Variants in ZDHHC3 observed in about 807,000 individuals in gnomAD.
ZDHHC3 encodes palmitoyltransferase ZDHHC3.
A neutral mutation model predicts 30.6 loss-of-function variants in ZDHHC3; 9 were observed. The observed-to-expected ratio is 0.29, with a 90% CI of 0.18 to 0.51. The LOEUF is 0.51. Ranked by LOEUF, ZDHHC3 falls within the 20% of genes least tolerant of loss-of-function variation. The probability of loss-of-function intolerance (pLI) is 0.97; values close to 1 mark genes in which losing one functional copy is unlikely to be tolerated. For missense variants in ZDHHC3, 246 were observed against 384.2 expected (o/e 0.64, Z 3.01); for synonymous variants, 136 against 140.2 (o/e 0.97, Z 0.21).
chr3:44,950,884 T>C (rs558681077), intron 2 of ZDHHC3, among the ~76,000 whole-genome samples: 9 of 152,298 alleles, frequency 5.9e-5, no homozygotes, highest in Admixed American at 1.3e-4. Context: ...TACTGAGAAA[T>C]GCCTATCCCC....
At chr3:44,950,778 T>TA (rs1703378062) in intron 2 of ZDHHC3, among the ~76,000 whole-genome samples, 1 of 152,232 alleles carries the variant, frequency 6.6e-6, no homozygotes, top group Admixed American at 6.5e-5. Context: ...TCTTTGTTAT[T>TA]AGTTCATGGT....
chr3:44,970,579 TTTG>T (rs1705327317), intron 1 of ZDHHC3, among the ~76,000 whole-genome samples: 1 of 152,248 alleles, frequency 6.6e-6, no homozygotes, highest in African/African-American at 2.4e-5. Context: ...CAACGTTTTC[TTTG>T]TTAATATCTT....
chr3:44,957,819 T>C (rs1356223280), intron 2 of ZDHHC3, among the ~76,000 whole-genome samples: 1 of 152,222 alleles, frequency 6.6e-6, no homozygotes, highest in African/African-American at 2.4e-5. Context: ...CACCTGTCTT[T>C]TCTAGACAGA....
intron 1 of ZDHHC3, among the ~76,000 whole-genome samples, chr3:44,972,950 A>C (rs1259002801): frequency 2.0e-5 from 3 of 152,230 alleles, no homozygotes; most frequent in African/African-American, 7.2e-5. Context: ...CAGATCTATC[A>C]GCCATCTTTG....
intron 1 of ZDHHC3, among the ~76,000 whole-genome samples, chr3:44,969,130 CTCA>C (rs1705198659): frequency 6.6e-6 from 1 of 152,222 alleles, no homozygotes; most frequent in African/African-American, 2.4e-5. Flanking sequence ...CGGTGATACT[CTCA>C]TAGTTTGTGA....
Position 44,923,124 on chromosome 3 carries a change from G to T in ZDHHC3, c.*3565C>A, listed in dbSNP as rs1396647399. On this transcript the variant is annotated 3_prime_UTR_variant, in exon 7 of 7. Coordinates refer to ENST00000424952, the MANE Select transcript of ZDHHC3 (RefSeq NM_001135179.2). Reference sequence around the variant, plus strand: ...GGAGTCTCACTCTGTCGCCCAGGCTGGAGTGCAGTGGTGCGATCTTGGCTC... The same window carrying T: ...GGAGTCTCACTCTGTCGCCCAGGCTTGAGTGCAGTGGTGCGATCTTGGCTC... 4 of 965,348 alleles carry T rather than the reference G, an allele frequency of 4.1e-6. No homozygotes were observed. The highest frequency in any genetic ancestry group is 4.9e-6 in the Non-Finnish European group (4 of 815,508). The allele number at this position is 965,348 out of a possible 1,614,324, so 59.8% of individuals were successfully genotyped here.
At chr3:44,965,452 T>C (rs1322482311) in intron 1 of ZDHHC3, among the ~76,000 whole-genome samples, 1 of 152,244 alleles carries the variant, frequency 6.6e-6, no homozygotes, top group Non-Finnish European at 1.5e-5. Flanking sequence ...TTGAACATCG[T>C]GGTGCTAATG....
In ZDHHC3 at chr3:44,920,420, A is replaced by C. The variant is rs2125780841; in HGVS notation, c.*6269T>G. The stretch of plus-strand genomic sequence containing the variant: ...AGACCCGGCTACAGAGGAAACACCC[A>C]AAAATGACAGACTGGCTGCATCCAC... On this transcript the variant is annotated 3_prime_UTR_variant, in exon 7 of 7. Coordinates refer to ENST00000424952, the MANE Select transcript of ZDHHC3 (RefSeq NM_001135179.2). 5 of 1,269,382 alleles carry C rather than the reference A, an allele frequency of 3.9e-6. No homozygotes were observed. The highest frequency in any genetic ancestry group is 4.1e-6 in the Non-Finnish European group (4 of 974,604). 78.6% of individuals were successfully genotyped at this position (1,269,382 alleles called of 1,614,324 possible).
In ZDHHC3 at chr3:44,926,741, G is replaced by A. The variant is rs1701024915; in HGVS notation, c.848C>T (p.Pro283Leu). The change falls in exon 7 of 7, where the codon CCC (proline) becomes CTC (leucine). Residue 283 changes from proline (P) to leucine (L), a missense_variant. By Grantham distance (98) the Pro-to-Leu change is moderately conservative (BLOSUM62 -3). Coordinates refer to ENST00000424952, the MANE Select transcript of ZDHHC3 (RefSeq NM_001135179.2). ...CTTCCCTTGGTCTGGCGTGGCAAAG[G>A]GGCTGGCCCAGCCTAGAGAGAAGGG... The part of the protein sequence containing the change: ...GHPFSLGWAS[P>L]FATPDQGKAD... The A allele has an allele frequency of 6.2e-7, 1 of 1,613,658 alleles. No homozygotes were observed. The highest frequency in any genetic ancestry group is 1.3e-5 in the African/African-American group (1 of 74,848).
intron 3 of ZDHHC3, among the ~76,000 whole-genome samples, chr3:44,934,850 C>T (rs1467279796): frequency 6.7e-6 from 1 of 149,584 alleles, no homozygotes; most frequent in African/African-American, 2.5e-5. Flanking sequence ...TAAGATCGTG[C>T]CACTGCACCC....
chr3:44,944,715 T>C (rs1008890357), intron 3 of ZDHHC3, among the ~76,000 whole-genome samples: 1 of 152,232 alleles, frequency 6.6e-6, no homozygotes, highest in South Asian at 2.1e-4. Flanking sequence ...TCTGCAACTA[T>C]CATAACCTTT....
chr3:44,917,933 T>A lies in ZDHHC3; in HGVS notation c.*8756A>T. The A allele has an allele frequency of 1.5e-6, 2 of 1,305,104 alleles. No individual in the cohort carries two copies. The highest frequency in any genetic ancestry group is 2.0e-6 in the Non-Finnish European group (2 of 988,952). 80.8% of individuals were successfully genotyped at this position (1,305,104 alleles called of 1,614,324 possible). On this transcript the variant is annotated 3_prime_UTR_variant, in exon 7 of 7. Coordinates refer to ENST00000424952, the MANE Select transcript of ZDHHC3 (RefSeq NM_001135179.2). ...ACCTCCACAGAGTCCTCGTCCTTTGTCTCCTCTGATGGATCCTCCATTGTT... is the reference window on the plus strand; with the variant it reads ...ACCTCCACAGAGTCCTCGTCCTTTGACTCCTCTGATGGATCCTCCATTGTT...
intron 1 of ZDHHC3, among the ~76,000 whole-genome samples, chr3:44,966,234 T>C (rs1002543716): frequency 2.0e-5 from 3 of 152,322 alleles, no homozygotes; most frequent in Middle Eastern, 3.4e-3. Context: ...ATCAGCAAAA[T>C]AGTAGAAACT....
At chr3:44,951,573 TG>T (rs1203119005) in intron 2 of ZDHHC3, among the ~76,000 whole-genome samples, 1 of 152,214 alleles carries the variant, frequency 6.6e-6, no homozygotes, top group Non-Finnish European at 1.5e-5. Context: ...CCCACTGTCT[TG>T]GAAGATGAGG....
intron 1 of ZDHHC3, among the ~76,000 whole-genome samples, chr3:44,974,416 T>C (rs78387228): frequency 0.023 from 3,480 of 152,364 alleles, 105 homozygotes; most frequent in African/African-American, 0.077. Context: ...TCTCCTCAGA[T>C]ATCCTAGCTT....
In ZDHHC3 at chr3:44,976,156, A is replaced by G. The variant is rs1313686911; in HGVS notation, c.-248T>C. On this transcript the variant is annotated 5_prime_UTR_variant, in exon 1 of 7. Transcript: ENST00000424952. ...CAGTGGCGGCGGCCGCGGCTGCAGG[A>G]GCGGCCGCCGCGCAGGTTGATGACG... 99 of 756,974 alleles carry G rather than the reference A, an allele frequency of 1.3e-4. 1 individual carries two copies. In the East Asian group the frequency reaches 3.9e-3, roughly 30 times the overall value. The allele number at this position is 756,974 out of a possible 1,614,324, so 46.9% of individuals were successfully genotyped here.
rs1485539411 is a variant in ZDHHC3 at position 44,921,366 on chromosome 3, G to A, written c.*5323C>T. 1.9e-5 allele frequency: 19 copies of A among 985,194 alleles called. No individual in the cohort carries two copies. The highest frequency in any genetic ancestry group is 5.2e-5 in the African/African-American group (3 of 57,190). 61.0% of individuals were successfully genotyped at this position (985,194 alleles called of 1,614,324 possible). A position where few individuals can be genotyped will look rare whatever the true frequency, so the allele number is the denominator to read the frequency against. ...CTATGCAAATGTGTCTCTTCATAGCGGGCCAGATAACACTGTCTCTCCTCA... is the reference window on the plus strand; with the variant it reads ...CTATGCAAATGTGTCTCTTCATAGCAGGCCAGATAACACTGTCTCTCCTCA... On this transcript the variant is annotated 3_prime_UTR_variant, in exon 7 of 7. Coordinates refer to ENST00000424952, the MANE Select transcript of ZDHHC3 (RefSeq NM_001135179.2).
Position 44,976,153 on chromosome 3 carries a change from A to T in ZDHHC3, c.-245T>A, listed in dbSNP as rs1241014871. The T allele has an allele frequency of 8.3e-6, 6 of 723,214 alleles. No individual in the cohort carries two copies. The highest frequency in any genetic ancestry group is 9.6e-6 in the Non-Finnish European group (5 of 519,278). 44.8% of individuals were successfully genotyped at this position (723,214 alleles called of 1,614,324 possible). ...CGGCAGTGGCGGCGGCCGCGGCTGC[A>T]GGAGCGGCCGCCGCGCAGGTTGATG... On this transcript the variant is annotated 5_prime_UTR_variant, in exon 1 of 7. Coordinates refer to ENST00000424952, the MANE Select transcript of ZDHHC3 (RefSeq NM_001135179.2).
At chr3:44,945,108 C>T (rs1409242925) in intron 3 of ZDHHC3, 60 bp downstream of exon 3, 20 of 1,607,196 alleles carry the variant, frequency 1.2e-5, no homozygotes, top group African/African-American at 9.4e-5. Context: ...CAGGTGTTGG[C>T]GGGGATGGAG....
Sources: gnomAD v4.1 joint callset for allele counts (sites outside exome capture counted in the v4.1 genomes callset) on GRCh38, gnomAD v4.1.1 for gene constraint, MANE v1.5 for transcripts, NCBI Gene and HGNC (gene_info 2026-07-23, HGNC 2026-07-21) for gene names.